Variants in TMEM165 observed in about 807,000 individuals in gnomAD.
TMEM165 encodes the protein transmembrane protein 165.
In TMEM165, 19 loss-of-function variants were observed where a neutral mutation model predicts 30.0. That is an observed-to-expected ratio of 0.63 (90% CI 0.44 to 0.93). The LOEUF (loss-of-function observed/expected upper bound fraction) is 0.93. Among genes scored for constraint, TMEM165 ranks in the 40% least tolerant of loss-of-function variants. The pLI is 0.00. For synonymous variants in TMEM165, 168 were observed against 162.9 expected (o/e 1.03, Z -0.24); for missense variants, 340 against 417.0 (o/e 0.82, Z 1.61).
At chr4:55,397,998 C>A (rs1315904573) in intron 1 of TMEM165, among the ~76,000 whole-genome samples, 1 of 152,200 alleles carries the variant, frequency 6.6e-6, no homozygotes, top group Non-Finnish European at 1.5e-5. Context: ...CGGCCTTGGC[C>A]TCCCAAGTGC....
exon 4 of TMEM165, chr4:55,453,301 C>T: frequency 1.7e-6 from 1 of 602,528 alleles, no homozygotes; most frequent in Non-Finnish European, 3.0e-6. Flanking sequence ...TTGCATTTTT[C>T]TAGGTATCTT....
In TMEM165 at chr4:55,436,516, A is replaced by G. The variant is rs202103357; in HGVS notation, c.408+11873A>G. On this transcript the variant is annotated intron_variant, in intron 3 of 3. Transcript: ENST00000608091. ...TTTTTACAATGAAAGTCCTTTCCCC[A>G]TTACTGACAGTACAACTTGATGCAG... is the stretch of plus-strand genomic sequence containing the variant. 5.3e-5 allele frequency among the ~76,000 whole-genome samples: 8 copies of G among 152,322 alleles called. No individual in the cohort carries two copies. In the East Asian group the frequency reaches 1.3e-3, roughly 26 times the overall value.
intron 4 of TMEM165, among the ~76,000 whole-genome samples, chr4:55,419,355 A>G (rs1258000222): frequency 6.6e-6 from 1 of 152,104 alleles, no homozygotes; most frequent in Admixed American, 6.5e-5. Context: ...AAGAATCCTA[A>G]GTTCTGGAGT....
intron 3 of TMEM165, among the ~76,000 whole-genome samples, chr4:55,446,325 G>C (rs1397409964): frequency 1.3e-5 from 2 of 151,838 alleles, no homozygotes; most frequent in African/African-American, 4.8e-5. Context: ...CTGAGCTCAG[G>C]CAATCCTCCC....
chr4:55,448,595 C>CGCGT (rs1553891197), intron 3 of TMEM165, among the ~76,000 whole-genome samples: 4 of 33,248 alleles, frequency 1.2e-4, no homozygotes, highest in South Asian at 1.7e-3. Flanking sequence ...CGCGCGCGCA[C>CGCGT]GCGCGCGTGT....
chr4:55,443,869 A>G, intron 3 of TMEM165: 1 of 1,613,158 alleles, frequency 6.2e-7, no homozygotes, highest in South Asian at 1.1e-5. Context: ...CCAAAATTCA[A>G]CCCAGGATTT....
intron 1 of TMEM165, among the ~76,000 whole-genome samples, chr4:55,409,073 G>A (rs141978999): frequency 3.3e-5 from 5 of 152,194 alleles, no homozygotes; most frequent in African/African-American, 9.6e-5. Context: ...GACCGTCAAC[G>A]TAGGTGGAAC....
chr4:55,422,499 C>T (rs1722022623), intron 4 of TMEM165, among the ~76,000 whole-genome samples: 1 of 152,194 alleles, frequency 6.6e-6, no homozygotes, highest in African/African-American at 2.4e-5. Flanking sequence ...CTCAGGTGAT[C>T]TGCCTGCCTC....
rs2109509840 is a variant in TMEM165, at chr4:55,396,314, G to A, written c.125G>A (p.Arg42Gln). Residue 42 changes from arginine to glutamine, a missense_variant, in exon 1 of 6, where the codon CGG becomes CAG. Arg to Gln is a conservative substitution (Grantham distance 43). Coordinates refer to ENST00000381334, the MANE Select transcript of TMEM165 (RefSeq NM_018475.5). ...RAGPDEDLSH[R>Q]NKEPPAPAQQ... is the part of the protein sequence containing the mutation. ...GGCCCAGATGAAGACCTTAGCCACCGGAACAAAGAACCGCCGGCGCCGGCC... is the reference window on the plus strand; with the variant it reads ...GGCCCAGATGAAGACCTTAGCCACCAGAACAAAGAACCGCCGGCGCCGGCC... 2.6e-6 allele frequency: 4 copies of A among 1,526,454 alleles called. No homozygotes were observed. Among genetic ancestry groups the A allele is most frequent in the South Asian group, 1.2e-5 (1 of 82,222 alleles). 94.6% of individuals were successfully genotyped at this position (1,526,454 alleles called of 1,614,324 possible).
At position 55,403,255 on chromosome 4, in the gene TMEM165, G is replaced by A. The variant is rs190242947; in HGVS notation, c.207+6859G>A. ...TTGCAGGGACATCAGTTTTTTTCTTGGTAGCAAGCTGTAGATTTTGTTTCA... is the reference window on the plus strand; with the variant it reads ...TTGCAGGGACATCAGTTTTTTTCTTAGTAGCAAGCTGTAGATTTTGTTTCA... On this transcript the variant is annotated intron_variant, in intron 1 of 5. Transcript: ENST00000381334. 3.1e-5 allele frequency: 40 copies of A among 1,287,450 alleles called. No homozygotes were observed. The African/African-American group carries it at 4.9e-4, about 16-fold the overall frequency. 79.8% of individuals were successfully genotyped at this position (1,287,450 alleles called of 1,614,324 possible).
At chr4:55,453,180 A>C in exon 4 of TMEM165, 1 of 1,400,710 alleles carries the variant, frequency 7.1e-7, no homozygotes, top group Non-Finnish European at 1.0e-6. Flanking sequence ...TTCGTTTAAA[A>C]TACTGCACAG....
intron 1 of TMEM165, among the ~76,000 whole-genome samples, chr4:55,406,451 T>C (rs1232627601): frequency 2.6e-5 from 4 of 152,204 alleles, no homozygotes; most frequent in Admixed American, 2.6e-4. Flanking sequence ...TTAACCTGTT[T>C]CTTGAGACGT....
At chr4:55,430,075 A>G (rs1273926503), downstream of TMEM165, 1 of 152,220 alleles carries the variant, frequency 6.6e-6, no homozygotes, top group Non-Finnish European at 1.5e-5. Flanking sequence ...TTAAAATATA[A>G]ATAAATACAT....
At chr4:55,434,492 A>G (rs1479482111) in intron 3 of TMEM165, 1 of 152,638 alleles carries the variant, frequency 6.6e-6, no homozygotes, top group Non-Finnish European at 1.5e-5. Context: ...CACCTAAAAT[A>G]AAGCAGTGCA....
At chr4:55,397,787 C>T (rs1377210528) in intron 1 of TMEM165, among the ~76,000 whole-genome samples, 1 of 152,018 alleles carries the variant, frequency 6.6e-6, no homozygotes, top group Non-Finnish European at 1.5e-5. Context: ...CGCTCTGTCG[C>T]CCAGGCTGGA....
At chr4:55,442,165 C>A in intron 3 of TMEM165, 2 of 418,330 alleles carry the variant, frequency 4.8e-6, no homozygotes, top group Non-Finnish European at 8.7e-6. Flanking sequence ...TGTCATAAAC[C>A]TTTTCTAACA....
In TMEM165 at chr4:55,444,500, C is replaced by T. The variant is rs1723630317; in HGVS notation, c.409-7739C>T. ...AAGTATAATCATACTGAGTAGGTAACCAGTGAATATTTATTGAACTGAATT... is the reference window on the plus strand; with the variant it reads ...AAGTATAATCATACTGAGTAGGTAATCAGTGAATATTTATTGAACTGAATT... On this transcript the variant is annotated intron_variant, in intron 3 of 3. Coordinates refer to the TMEM165 transcript ENST00000608091. 43 of 1,025,730 alleles carry T rather than the reference C, an allele frequency of 4.2e-5. 1 individual carries two copies. The South Asian group carries it at 5.4e-4, about 13-fold the overall frequency. 63.5% of individuals were successfully genotyped at this position (1,025,730 alleles called of 1,614,324 possible).
chr4:55,419,008 G>A (rs1721857091), intron 4 of TMEM165, among the ~76,000 whole-genome samples: 1 of 152,094 alleles, frequency 6.6e-6, no homozygotes, highest in African/African-American at 2.4e-5. Flanking sequence ...TTGCACCACT[G>A]CACTCCAGCC....
At chr4:55,449,575 G>T (rs144230426) in intron 3 of TMEM165, 2 of 1,244,640 alleles carry the variant, frequency 1.6e-6, no homozygotes, top group Non-Finnish European at 2.3e-6. Context: ...ATGTATTTCA[G>T]TTAATAAAAA....
Sources: gnomAD v4.1 joint callset for allele counts (sites outside exome capture counted in the v4.1 genomes callset) on GRCh38, gnomAD v4.1.1 for gene constraint, MANE v1.5 for transcripts, NCBI Gene and HGNC (gene_info 2026-07-23, HGNC 2026-07-21) for gene names.